Variants in MAP3K2 observed in about 807,000 individuals in gnomAD.
MAP3K2 encodes the protein mitogen-activated protein kinase kinase kinase 2.
A neutral mutation model predicts 80.3 loss-of-function variants in MAP3K2; 24 were observed. The ratio of observed to expected loss-of-function variants is 0.30; its 90% CI spans 0.22 to 0.42. MAP3K2 has a LOEUF of 0.42. MAP3K2 is among the 10% of genes least tolerant of loss of function. MAP3K2 has a pLI of 1.00. For synonymous variants in MAP3K2, 244 were observed against 253.7 expected, an observed-to-expected ratio of 0.96 and a Z score of 0.36; for missense variants, 608 against 750.1, an observed-to-expected ratio of 0.81 and a Z score of 2.21.
At chr2:127,328,669 A>C (rs1196286752) in intron 7 of MAP3K2, among the ~76,000 whole-genome samples, 1 of 152,224 alleles carries the variant, frequency 6.6e-6, no homozygotes, top group Non-Finnish European at 1.5e-5. Flanking sequence ...GCATTCCTGA[A>C]ACCCAAAGTA....
At chr2:127,344,247 T>C (rs1234461947) in intron 1 of MAP3K2, among the ~76,000 whole-genome samples, 2 of 152,098 alleles carry the variant, frequency 1.3e-5, no homozygotes, top group East Asian at 3.8e-4. Flanking sequence ...AAAGAGACCC[T>C]ACCAGCCCCT....
rs1418648714 is a variant in MAP3K2 at position 127,317,634 on chromosome 2, G to A, written c.1321C>T (p.Pro441Ser). 1.3e-6 allele frequency: 2 copies of A among 1,564,346 alleles called. No individual in the cohort carries two copies. The highest frequency in any genetic ancestry group is 1.7e-6 in the Non-Finnish European group (2 of 1,153,320). The change falls in exon 14 of 17, where the codon CCA becomes TCA. Residue 441 changes from proline (P) to serine (S), a missense_variant. Coordinates refer to ENST00000682094, the MANE Select transcript of MAP3K2 (RefSeq NM_001371910.2). ...KTLSIFMEYM[P>S]GGSIKDQLKA... The stretch of plus-strand genomic sequence containing the variant: ...AAAAAGATGTACTAACTTACCCCTG[G>A]CATATATTCCATAAATATGGAAAGT...
rs1180169914 is a variant in MAP3K2, at chr2:127,298,912, A to G, written c.*8667T>C. 1 of 151,956 alleles carries G rather than the reference A, an allele frequency of 6.6e-6. No homozygotes were observed. The highest frequency in any genetic ancestry group is 1.5e-5 in the Non-Finnish European group (1 of 67,988). 9.4% of individuals were successfully genotyped at this position (151,956 alleles called of 1,614,324 possible). On this transcript the variant is annotated 3_prime_UTR_variant, in exon 17 of 17. Transcript: ENST00000682094. ...ATATAAACAAAGTCATTGATCACTA[A>G]CAAAATATAAACATGGTTTCTTTTA...
chr2:127,316,317 T>A (rs1381620692), intron 14 of MAP3K2, among the ~76,000 whole-genome samples: 1 of 152,208 alleles, frequency 6.6e-6, no homozygotes, highest in African/African-American at 2.4e-5. Flanking sequence ...GAGGTTGCAG[T>A]GAGCTGAGAT....
chr2:127,387,392 A>ACGCGCGCG (rs147068060), intron 1 of MAP3K2, 60 bp downstream of exon 1: 3,877 of 333,416 alleles, frequency 0.012, 724 homozygotes, highest in Middle Eastern at 0.015. Context: ...CCCGACACAC[A>ACGCGCGCG]CGCGCGCACA....
Position 127,342,388 on chromosome 2 carries a change from G to GGTGTGTGTGTGTGTGTGTGTGTGT in MAP3K2, c.4+714_4+737dup, listed in dbSNP as rs56300936. Reference sequence around the variant, plus strand: ...TGGGCAAATATAAGTTCTTCATGAGGGTGTGTGTGTGTGTGTGTGTGTGTG... The same window carrying GGTGTGTGTGTGTGTGTGTGTGTGT: ...TGGGCAAATATAAGTTCTTCATGAGGGTGTGTGTGTGTGTGTGTGTGTGTGTGTGTGTGTGTGTGTGTGTGTGTG... On this transcript the variant is annotated intron_variant, in intron 2 of 16. Coordinates refer to ENST00000682094, the MANE Select transcript of MAP3K2 (RefSeq NM_001371910.2). Among the ~76,000 whole-genome samples the GGTGTGTGTGTGTGTGTGTGTGTGT allele has an allele frequency of 1.1e-3, 165 of 147,858 alleles. 1 individual carries two copies. The highest frequency in any genetic ancestry group is 3.8e-3 in the African/African-American group (153 of 39,756).
In MAP3K2 at chr2:127,303,339, AAG is replaced by A. The variant is rs1246945470; in HGVS notation, c.*4238_*4239del. On this transcript the variant is annotated 3_prime_UTR_variant, in exon 17 of 17. Coordinates refer to ENST00000682094, the MANE Select transcript of MAP3K2 (RefSeq NM_001371910.2). ...AGAGACACTGGGGAAAAAAAAAAAA[AAG>A]AACAAAAAAACACTGTTATGGAATA... The A allele has an allele frequency of 6.6e-6, 1 of 151,368 alleles. No individual in the cohort carries two copies. Among genetic ancestry groups the A allele is most frequent in the Non-Finnish European group, 1.5e-5 (1 of 67,826 alleles). The allele number at this position is 151,368 out of a possible 1,614,324, so 9.4% of individuals were successfully genotyped here.
At chr2:127,316,807 T>C (rs936558341) in intron 14 of MAP3K2, 1 of 152,166 alleles carries the variant, frequency 6.6e-6, no homozygotes, top group African/African-American at 2.4e-5. Flanking sequence ...GTGAATCTAA[T>C]TTAGACCTCA....
chr2:127,338,617 G>A (rs890061670), intron 3 of MAP3K2, among the ~76,000 whole-genome samples: 1 of 152,124 alleles, frequency 6.6e-6, no homozygotes, highest in Non-Finnish European at 1.5e-5. Flanking sequence ...AGTTTGCTAA[G>A]GATAATGGTC....
At chr2:127,320,965 CAA>C (rs976797541) in intron 12 of MAP3K2, among the ~76,000 whole-genome samples, 11 of 152,144 alleles carry the variant, frequency 7.2e-5, no homozygotes, top group African/African-American at 2.6e-4. Flanking sequence ...ACAAAAAATA[CAA>C]AAATTATCTG....
chr2:127,383,880 T>TA (rs1687296581), intron 1 of MAP3K2, among the ~76,000 whole-genome samples: 1 of 150,458 alleles, frequency 6.6e-6, no homozygotes, highest in African/African-American at 2.4e-5. Flanking sequence ...AATAATTTTT[T>TA]TTTTTTTTTT....
At chr2:127,355,973 CTTTG>C (rs1686791149) in intron 1 of MAP3K2, among the ~76,000 whole-genome samples, 1 of 152,130 alleles carries the variant, frequency 6.6e-6, no homozygotes, top group South Asian at 2.1e-4. Flanking sequence ...CAAGAAGCCA[CTTTG>C]TTTGCTTGTC....
intron 1 of MAP3K2, among the ~76,000 whole-genome samples, chr2:127,353,116 G>A (rs1374127170): frequency 2.0e-5 from 3 of 151,984 alleles, no homozygotes; most frequent in Non-Finnish European, 4.4e-5. Context: ...CTGCCCAGCC[G>A]CCACCCCGTC....
At chr2:127,359,319 TG>T (rs1382984100) in intron 1 of MAP3K2, among the ~76,000 whole-genome samples, 1 of 152,142 alleles carries the variant, frequency 6.6e-6, no homozygotes, top group Non-Finnish European at 1.5e-5. Context: ...AGAATATATA[TG>T]GGAACTCCCT....
Position 127,302,711 on chromosome 2 carries a change from T to TG in MAP3K2, c.*4867dup, listed in dbSNP as rs1187445333. 1 of 152,154 alleles carries TG rather than the reference T, an allele frequency of 6.6e-6. No homozygotes were observed. Among genetic ancestry groups the TG allele is most frequent in the East Asian group, 1.9e-4 (1 of 5,198 alleles). The allele number at this position is 152,154 out of a possible 1,614,324, so 9.4% of individuals were successfully genotyped here. ...ACTGAACTATAATATGCCAAGAACT[T>TG]GGACAGTGCCAATGTGATTGAAAAT... On this transcript the variant is annotated 3_prime_UTR_variant, in exon 17 of 17. Transcript: ENST00000682094.
intron 4 of MAP3K2, among the ~76,000 whole-genome samples, chr2:127,336,586 C>T (rs995923195): frequency 6.6e-5 from 10 of 152,310 alleles, no homozygotes; most frequent in African/African-American, 2.4e-4. Flanking sequence ...GTCTGCTTTG[C>T]TCCCTTTATT....
At chr2:127,350,334 C>A (rs1037000025) in intron 1 of MAP3K2, among the ~76,000 whole-genome samples, 2 of 151,338 alleles carry the variant, frequency 1.3e-5, no homozygotes, top group African/African-American at 4.9e-5. Flanking sequence ...TGAAGTTAGG[C>A]CCAATAGCTA....
intron 1 of MAP3K2, among the ~76,000 whole-genome samples, chr2:127,354,248 AAAAAG>A (rs1427205054): frequency 2.0e-5 from 3 of 151,248 alleles, no homozygotes; most frequent in African/African-American, 7.3e-5. Flanking sequence ...ATAAAAAAAA[AAAAAG>A]AAAGAAATAT....
Position 127,349,947 on chromosome 2 carries a change from T to C in MAP3K2, c.-65-6753A>G, listed in dbSNP as rs549937816. The stretch of plus-strand genomic sequence containing the variant: ...TGATGTGCAGTGGTACTATCACAGC[T>C]CACTGCAGCCTCAATCTCCCGGGCT... On this transcript the variant is annotated intron_variant, in intron 1 of 16. Transcript: ENST00000682094. Among the ~76,000 whole-genome samples the C allele has an allele frequency of 2.6e-4, 39 of 152,194 alleles. No individual in the cohort carries two copies. In the South Asian group the frequency reaches 8.1e-3, roughly 32 times the overall value.
Sources: allele counts gnomAD v4.1 joint callset (sites outside exome capture counted in the v4.1 genomes callset), GRCh38; gene constraint gnomAD v4.1.1; transcripts MANE v1.5; gene names NCBI Gene and HGNC (gene_info 2026-07-23, HGNC 2026-07-21).